Variants in FARS2 observed in about 807,000 individuals in gnomAD.
FARS2 encodes the protein phenylalanine--tRNA ligase, mitochondrial.
Under a neutral mutation model 46.4 loss-of-function variants are expected in FARS2, and 40 were observed. The observed-to-expected ratio is 0.86, with a 90% CI of 0.67 to 1.12. The LOEUF (loss-of-function observed/expected upper bound fraction) is 1.12. FARS2 is among the 50% of genes most tolerant of loss of function. The probability of loss-of-function intolerance (pLI) is 0.00; values close to 1 mark genes in which losing one functional copy is unlikely to be tolerated. For missense variants in FARS2, 513 were observed against 567.9 expected, an observed-to-expected ratio of 0.90 and a Z score of 0.98; for synonymous variants, 234 against 214.9, an observed-to-expected ratio of 1.09 and a Z score of -0.78.
In FARS2 at chr6:5,595,570, G is replaced by A. The variant is rs150078341; in HGVS notation, c.1066-17599G>A. 4.1e-3 allele frequency among the ~76,000 whole-genome samples: 621 copies of A among 152,252 alleles called. 5 individuals are homozygous for A. The highest frequency in any genetic ancestry group is 0.014 in the African/African-American group (593 of 41,540). Reference sequence around the variant, plus strand: ...TGGTTAATAGAACGAGGGAGAAAATGTGATCCCTGCCCCTAACACTTGCCA... The same window carrying A: ...TGGTTAATAGAACGAGGGAGAAAATATGATCCCTGCCCCTAACACTTGCCA... On this transcript the variant is annotated intron_variant, in intron 5 of 6. Transcript: ENST00000274680.
At chr6:5,689,452 A>G (rs1261084669) in intron 6 of FARS2, among the ~76,000 whole-genome samples, 1 of 151,910 alleles carries the variant, frequency 6.6e-6, no homozygotes, top group Non-Finnish European at 1.5e-5. Flanking sequence ...TCATTTCGTT[A>G]TGTCCCCAGT....
At chr6:5,512,812 CATT>C (rs1345327489) in intron 4 of FARS2, among the ~76,000 whole-genome samples, 7 of 152,026 alleles carry the variant, frequency 4.6e-5, no homozygotes, top group African/African-American at 1.7e-4. Flanking sequence ...TGCTAGGTGT[CATT>C]AGTAGGCATA....
intron 6 of FARS2, among the ~76,000 whole-genome samples, chr6:5,753,431 C>T (rs756318326): frequency 2.0e-5 from 3 of 152,174 alleles, no homozygotes; most frequent in South Asian, 4.1e-4. Context: ...TGGACACTTG[C>T]CTGCATTTGT....
intron 2 of FARS2, among the ~76,000 whole-genome samples, chr6:5,387,751 A>T (rs190075017): frequency 6.6e-6 from 1 of 152,148 alleles, no homozygotes; most frequent in African/African-American, 2.4e-5. Flanking sequence ...CTCTTTCCTC[A>T]TTCTTTCATG....
chr6:5,416,841 G>A (rs138952428), intron 3 of FARS2, among the ~76,000 whole-genome samples: 9 of 152,270 alleles, frequency 5.9e-5, no homozygotes, highest in Non-Finnish European at 1.3e-4. Flanking sequence ...TTTGAGTGCT[G>A]TTACCCCACT....
At chr6:5,752,728 G>A (rs1162469674) in intron 6 of FARS2, among the ~76,000 whole-genome samples, 1 of 152,192 alleles carries the variant, frequency 6.6e-6, no homozygotes, top group Non-Finnish European at 1.5e-5. Context: ...GAGCCAGAGA[G>A]AGATCTTAGT....
intron 1 of FARS2, among the ~76,000 whole-genome samples, chr6:5,341,205 A>AGATATATATATC (rs1771553575): frequency 2.1e-4 from 1 of 4,838 alleles, no homozygotes; most frequent in African/African-American, 4.3e-4. Context: ...ATATATATAT[A>AGATATATATATC]TATATATATA....
intron 4 of FARS2, among the ~76,000 whole-genome samples, chr6:5,472,637 T>C (rs1185191119): frequency 1.3e-5 from 2 of 152,212 alleles, no homozygotes; most frequent in Non-Finnish European, 2.9e-5. Flanking sequence ...CTGCCCATTC[T>C]GTGTTTTTTA....
chr6:5,320,759 CT>C (rs1435114427), intron 1 of FARS2, among the ~76,000 whole-genome samples: 1 of 152,112 alleles, frequency 6.6e-6, no homozygotes, highest in Non-Finnish European at 1.5e-5. Context: ...ACATGAGTGG[CT>C]TTTGAACAAC....
chr6:5,669,387 G>A (rs1295112530), intron 6 of FARS2, among the ~76,000 whole-genome samples: 2 of 73,532 alleles, frequency 2.7e-5, no homozygotes, highest in East Asian at 7.1e-4. Flanking sequence ...CCACCCCCCC[G>A]CTGCCTATAA....
At chr6:5,305,099 G>T (rs754321550) in intron 1 of FARS2, among the ~76,000 whole-genome samples, 3 of 152,172 alleles carry the variant, frequency 2.0e-5, no homozygotes, top group Non-Finnish European at 4.4e-5. Flanking sequence ...GCTGAATGGA[G>T]TGCTTGTGTG....
At chr6:5,430,589 C>CT (rs1562034745) in intron 3 of FARS2, among the ~76,000 whole-genome samples, 1 of 151,378 alleles carries the variant, frequency 6.6e-6, no homozygotes, top group East Asian at 1.9e-4. Flanking sequence ...TTTATATATA[C>CT]TTATGGAAGT....
intron 6 of FARS2, among the ~76,000 whole-genome samples, chr6:5,631,237 T>C (rs1158492976): frequency 6.6e-6 from 1 of 152,212 alleles, no homozygotes; most frequent in African/African-American, 2.4e-5. Context: ...TGAATACCTA[T>C]GCATTGAACA....
chr6:5,280,347 T>C (rs1766633474), intron 1 of FARS2, among the ~76,000 whole-genome samples: 1 of 152,224 alleles, frequency 6.6e-6, no homozygotes, highest in South Asian at 2.1e-4. Flanking sequence ...AATTAATTGC[T>C]CTTTCTGTAC....
intron 1 of FARS2, among the ~76,000 whole-genome samples, chr6:5,347,395 T>TA (rs1444066115): frequency 1.3e-5 from 2 of 152,208 alleles, no homozygotes; most frequent in African/African-American, 4.8e-5. Flanking sequence ...TTTTATCTGT[T>TA]ATTACTTTCC....
intron 1 of FARS2, among the ~76,000 whole-genome samples, chr6:5,306,650 T>A (rs1305464263): frequency 6.6e-6 from 1 of 152,194 alleles, no homozygotes; most frequent in Non-Finnish European, 1.5e-5. Flanking sequence ...TCCCAGTGTG[T>A]CCCAGTATGT....
chr6:5,688,696 C>A (rs1757446673), intron 6 of FARS2, among the ~76,000 whole-genome samples: 1 of 152,138 alleles, frequency 6.6e-6, no homozygotes, highest in Non-Finnish European at 1.5e-5. Context: ...GCTTTGGTAT[C>A]AGGATGATGC....
chr6:5,302,970 A>G (rs1211859584), intron 1 of FARS2, among the ~76,000 whole-genome samples: 11 of 152,200 alleles, frequency 7.2e-5, no homozygotes, highest in African/African-American at 2.2e-4. Context: ...GCAAACTTTT[A>G]TTAAGCATTC....
At chr6:5,402,956 T>C (rs1761348702) in intron 2 of FARS2, among the ~76,000 whole-genome samples, 1 of 152,230 alleles carries the variant, frequency 6.6e-6, no homozygotes, top group Admixed American at 6.5e-5. Context: ...TCTTGCTTAC[T>C]TCAAAGCCTT....
Sources: allele counts gnomAD v4.1 joint callset (sites outside exome capture counted in the v4.1 genomes callset), GRCh38; gene constraint gnomAD v4.1.1; transcripts MANE v1.5; gene names NCBI Gene and HGNC (gene_info 2026-07-23, HGNC 2026-07-21).